Variants in TMEM117 observed in about 807,000 individuals in gnomAD.
TMEM117 encodes transmembrane protein 117.
TMEM117 carries 27 observed loss-of-function variants against 52.4 expected under a neutral mutation model. The observed-to-expected ratio is 0.51, with a 90% CI of 0.38 to 0.71. TMEM117 has a LOEUF of 0.71. TMEM117 is among the 30% of genes least tolerant of loss of function. The pLI is 0.00. For missense variants in TMEM117, 556 were observed against 630.5 expected, an observed-to-expected ratio of 0.88 and a Z score of 1.26; for synonymous variants, 215 against 206.3, an observed-to-expected ratio of 1.04 and a Z score of -0.36.
At chr12:44,380,525 G>A (rs1952005644) in intron 7 of TMEM117, among the ~76,000 whole-genome samples, 1 of 152,210 alleles carries the variant, frequency 6.6e-6, no homozygotes, top group South Asian at 2.1e-4. Flanking sequence ...ATGGAGCAAA[G>A]AGGTTGGATA....
Position 44,142,369 on chromosome 12 carries a change from A to C in TMEM117, c.411-1156A>C, listed in dbSNP as rs187967214. ...AGGTGAATGAAGTCTGTTGAAAAAGAGTTATGTTAAGAATTTTTAAGTTTG... is the reference window on the plus strand; with the variant it reads ...AGGTGAATGAAGTCTGTTGAAAAAGCGTTATGTTAAGAATTTTTAAGTTTG... On this transcript the variant is annotated intron_variant, in intron 3 of 7. Coordinates refer to ENST00000266534, the MANE Select transcript of TMEM117 (RefSeq NM_032256.3). 5.7e-4 allele frequency among the ~76,000 whole-genome samples: 87 copies of C among 152,278 alleles called. 1 individual carries two copies. The highest frequency in any genetic ancestry group is 2.0e-3 in the African/African-American group (85 of 41,560).
Position 44,303,433 on chromosome 12 carries a change from G to T in TMEM117, c.768+3694G>T, listed in dbSNP as rs1377100484. 2.0e-5 allele frequency among the ~76,000 whole-genome samples: 3 copies of T among 151,874 alleles called. No individual in the cohort carries two copies. In the East Asian group the frequency reaches 5.8e-4, roughly 29 times the overall value. On this transcript the variant is annotated intron_variant, in intron 6 of 7. Coordinates refer to ENST00000266534, the MANE Select transcript of TMEM117 (RefSeq NM_032256.3). The stretch of plus-strand genomic sequence containing the variant: ...CTTTTTATTATTTTTAATAAAATTA[G>T]CAGGCCAGTTCTGAATACTTTTAGA...
intron 5 of TMEM117, among the ~76,000 whole-genome samples, chr12:44,282,435 C>T (rs1298750108): frequency 1.3e-5 from 2 of 152,076 alleles, no homozygotes; most frequent in East Asian, 3.9e-4. Context: ...ATGCTGATAG[C>T]GATATGGACC....
At chr12:44,397,582 A>T in the TMEM117 span, among the ~76,000 whole-genome samples, 85 of 152,358 alleles carry the variant, frequency 5.6e-4, no homozygotes, top group Non-Finnish European at 8.8e-4. Flanking sequence ...GTACTTTTAT[A>T]ACTGGTATCT....
intron 6 of TMEM117, among the ~76,000 whole-genome samples, chr12:44,354,809 A>G (rs533777184): frequency 3.3e-5 from 5 of 152,156 alleles, no homozygotes; most frequent in African/African-American, 1.2e-4. Context: ...AAATAATTTT[A>G]AAAATTAAAA....
At chr12:43,898,046 ACG>A (rs60818679) in intron 2 of TMEM117, among the ~76,000 whole-genome samples, 6,523 of 135,498 alleles carry the variant, frequency 0.048, 147 homozygotes, top group African/African-American at 0.091. Context: ...ACACACACGC[ACG>A]CACACACACA....
chr12:44,030,112 G>C (rs1019651635), intron 3 of TMEM117, among the ~76,000 whole-genome samples: 1 of 152,164 alleles, frequency 6.6e-6, no homozygotes, highest in African/African-American at 2.4e-5. Context: ...AGTAAAAAGA[G>C]TAATGCTTTT....
chr12:44,021,642 C>G (rs1011771755), intron 3 of TMEM117, among the ~76,000 whole-genome samples: 5 of 152,210 alleles, frequency 3.3e-5, no homozygotes, highest in Non-Finnish European at 5.9e-5. Context: ...CTGCACCCAG[C>G]ATCTGCTAAC....
At chr12:44,107,089 G>A (rs1159080917) in intron 3 of TMEM117, among the ~76,000 whole-genome samples, 1 of 152,010 alleles carries the variant, frequency 6.6e-6, no homozygotes, top group African/African-American at 2.4e-5. Context: ...TGAGTACTTA[G>A]TAGAGGTCAG....
chr12:44,120,194 CA>C (rs903034564), intron 3 of TMEM117, among the ~76,000 whole-genome samples: 11 of 151,374 alleles, frequency 7.3e-5, no homozygotes, highest in African/African-American at 2.2e-4. Context: ...GCTAAGTTGA[CA>C]AAAAAAATAC....
intron 6 of TMEM117, among the ~76,000 whole-genome samples, chr12:44,336,125 G>C (rs1951337595): frequency 6.6e-6 from 1 of 152,018 alleles, no homozygotes; most frequent in Admixed American, 6.6e-5. Context: ...AGAATGTTTT[G>C]AGGGAAAGCT....
intron 6 of TMEM117, among the ~76,000 whole-genome samples, chr12:44,366,498 C>G (rs961649119): frequency 2.0e-5 from 3 of 152,082 alleles, no homozygotes; most frequent in African/African-American, 7.2e-5. Flanking sequence ...CTTTCCTTCC[C>G]TCTAACCTGC....
At chr12:43,831,455 T>C (rs1359563599), upstream of TMEM117, among the ~76,000 whole-genome samples, 5 of 152,138 alleles carry the variant, frequency 3.3e-5, no homozygotes, top group African/African-American at 1.2e-4. Flanking sequence ...CTTTTTCTTT[T>C]TTTTTTTTAA....
chr12:44,098,701 T>C (rs922933066), intron 3 of TMEM117, among the ~76,000 whole-genome samples: 6 of 152,056 alleles, frequency 3.9e-5, no homozygotes, highest in African/African-American at 1.4e-4. Flanking sequence ...ATCATAACTT[T>C]CTTGAGAAAT....
At chr12:44,182,330 A>T (rs190363690) in intron 4 of TMEM117, among the ~76,000 whole-genome samples, 1,745 of 152,220 alleles carry the variant, frequency 0.011, 22 homozygotes, top group South Asian at 0.052. Flanking sequence ...TCTTTTCCTA[A>T]TGGAATACCC....
chr12:44,117,880 G>A (rs573776781), intron 3 of TMEM117, among the ~76,000 whole-genome samples: 2 of 151,970 alleles, frequency 1.3e-5, no homozygotes, highest in East Asian at 1.9e-4. Flanking sequence ...CTGTATCTTT[G>A]TGTTACCAAT....
chr12:44,157,192 C>A (rs1370794802), intron 4 of TMEM117, among the ~76,000 whole-genome samples: 1 of 152,134 alleles, frequency 6.6e-6, no homozygotes, highest in Non-Finnish European at 1.5e-5. Flanking sequence ...CAGCAAATGA[C>A]CTGCTCCGCC....
intron 3 of TMEM117, among the ~76,000 whole-genome samples, chr12:43,983,536 T>C (rs1025737168): frequency 7.5e-6 from 1 of 132,552 alleles, no homozygotes; most frequent in African/African-American, 2.8e-5. Context: ...TGCAATTACT[T>C]TTGCACCAAC....
intron 2 of TMEM117, among the ~76,000 whole-genome samples, chr12:43,888,470 T>C (rs1016002073): frequency 6.6e-6 from 1 of 151,778 alleles, no homozygotes; most frequent in Non-Finnish European, 1.5e-5. Flanking sequence ...TCATGCCCCA[T>C]GGATAATGAA....
Sources: allele counts gnomAD v4.1 joint callset (sites outside exome capture counted in the v4.1 genomes callset), GRCh38; gene constraint gnomAD v4.1.1; transcripts MANE v1.5; gene names NCBI Gene and HGNC (gene_info 2026-07-23, HGNC 2026-07-21).